Variants in SGCG observed in about 807,000 individuals in gnomAD.
SGCG encodes the protein gamma-sarcoglycan.
SGCG carries 26 observed loss-of-function variants against 29.3 expected under a neutral mutation model. The ratio of observed to expected loss-of-function variants is 0.89; its 90% CI spans 0.65 to 1.23. The LOEUF (loss-of-function observed/expected upper bound fraction) is 1.23, where lower values mean the gene tolerates loss of function less well. Among genes scored for constraint, SGCG ranks in the 50% most tolerant of loss-of-function variants. SGCG has a pLI of 0.00. For missense variants in SGCG, 353 were observed against 356.0 expected, an observed-to-expected ratio of 0.99 and a Z score of 0.07; for synonymous variants, 145 against 129.7, an observed-to-expected ratio of 1.12 and a Z score of -0.80.
the SGCG span, among the ~76,000 whole-genome samples, chr13:23,168,567 C>T: frequency 4.6e-5 from 7 of 152,290 alleles, no homozygotes; most frequent in Admixed American, 1.3e-4. Flanking sequence ...TCAGTACAGG[C>T]TTGAGGACAG....
chr13:23,224,753 A>G (rs933140492), intron 2 of SGCG, among the ~76,000 whole-genome samples: 4 of 152,196 alleles, frequency 2.6e-5, no homozygotes, highest in Admixed American at 6.5e-5. Context: ...GGCCATAGAA[A>G]ATTCTCACAC....
rs770988824 is a variant in SGCG, at chr13:23,287,999, C to T, written c.506-7416C>T. ...TGATCTCTTGACCTCGTGATCTGCC[C>T]GCCTCAGCCTCCTAAAGTGCTGGGA... On this transcript the variant is annotated intron_variant, in intron 5 of 7. Transcript: ENST00000218867. 1.6e-4 allele frequency among the ~76,000 whole-genome samples: 24 copies of T among 152,284 alleles called. No homozygotes were observed. In the Middle Eastern group the frequency reaches 0.01, roughly 65 times the overall value.
chr13:23,279,722 C>T (rs1881231355), intron 5 of SGCG, among the ~76,000 whole-genome samples: 1 of 151,656 alleles, frequency 6.6e-6, no homozygotes, highest in Admixed American at 6.6e-5. Flanking sequence ...TTCCTTCCTC[C>T]CTTCCTTCTT....
chr13:23,178,051 C>G (rs932091703), upstream of SGCG, among the ~76,000 whole-genome samples: 1 of 152,124 alleles, frequency 6.6e-6, no homozygotes, highest in Non-Finnish European at 1.5e-5. Context: ...GCATGTGTGT[C>G]AGGTCAAGAA....
chr13:23,324,511 G>T lies in SGCG; in HGVS notation c.846G>T (p.Thr282=). 6.2e-7 allele frequency: 1 copy of T among 1,612,832 alleles called. No homozygotes were observed. The highest frequency in any genetic ancestry group is 8.5e-7 in the Non-Finnish European group (1 of 1,179,996). ...TGTCTGTGGCCGGTGTGAGCACCAC[G>T]TGCCAGGAGCACAACCACATCTGCC... The part of the protein sequence containing the change: ...LYLSVAGVST[T]CQEHNHICL The change falls in exon 8 of 8, where the codon ACG becomes ACT. Residue 282 remains threonine, a synonymous_variant. Coordinates refer to ENST00000218867, the MANE Select transcript of SGCG (RefSeq NM_000231.3).
At chr13:23,299,407 CATATATATATATATATATATATATATAT>C (rs1191940207) in intron 6 of SGCG, among the ~76,000 whole-genome samples, 3 of 23,924 alleles carry the variant, frequency 1.3e-4, no homozygotes, top group Admixed American at 1.6e-3. Context: ...TCTTAGTTGG[CATATATATATATATATATATATATATAT>C]ATATATATAT....
At chr13:23,308,148 T>G (rs1882426283) in intron 6 of SGCG, among the ~76,000 whole-genome samples, 1 of 152,174 alleles carries the variant, frequency 6.6e-6, no homozygotes, top group African/African-American at 2.4e-5. Flanking sequence ...ATCCTTGTAG[T>G]ATTCTATGAA....
At chr13:23,323,411 C>T (rs947510656) in intron 7 of SGCG, among the ~76,000 whole-genome samples, 1 of 152,220 alleles carries the variant, frequency 6.6e-6, no homozygotes, top group South Asian at 2.1e-4. Context: ...CAGCAGACAG[C>T]AGGTTGTTAA....
intron 3 of SGCG, among the ~76,000 whole-genome samples, chr13:23,248,727 T>C (rs1879832412): frequency 6.9e-6 from 1 of 145,608 alleles, no homozygotes; most frequent in Non-Finnish European, 1.5e-5. Flanking sequence ...GTTCGGTGGC[T>C]GATGCCTGTA....
At chr13:23,190,717 T>G (rs1877213428) in intron 1 of SGCG, among the ~76,000 whole-genome samples, 1 of 152,206 alleles carries the variant, frequency 6.6e-6, no homozygotes, top group Admixed American at 6.5e-5. Flanking sequence ...ATATTTACAA[T>G]CCACCTGTTG....
At chr13:23,193,163 C>G (rs651316) in intron 1 of SGCG, among the ~76,000 whole-genome samples, 114,003 of 151,824 alleles carry the variant, frequency 0.75, 43,258 homozygotes, top group African/African-American at 0.86. Context: ...AACAACGTGT[C>G]CAAAGACTAT....
chr13:23,166,756 GA>G, the SGCG span, among the ~76,000 whole-genome samples: 99 of 152,194 alleles, frequency 6.5e-4, no homozygotes, highest in African/African-American at 2.4e-3. Flanking sequence ...TGTCATCACA[GA>G]AAAACCTTTT....
At chr13:23,187,267 G>A (rs1444962141) in intron 1 of SGCG, among the ~76,000 whole-genome samples, 1 of 152,080 alleles carries the variant, frequency 6.6e-6, no homozygotes, top group African/African-American at 2.4e-5. Context: ...CTGTTAACGT[G>A]GTAAAAGATC....
intron 3 of SGCG, among the ~76,000 whole-genome samples, chr13:23,248,355 G>C (rs1037106224): frequency 3.3e-5 from 5 of 152,110 alleles, no homozygotes; most frequent in African/African-American, 1.2e-4. Context: ...TTCAGGAAAA[G>C]GAATGAGCAT....
intron 2 of SGCG, among the ~76,000 whole-genome samples, chr13:23,228,717 G>A (rs1263811694): frequency 6.6e-6 from 1 of 152,100 alleles, no homozygotes; most frequent in Non-Finnish European, 1.5e-5. Context: ...AGAGCATGCA[G>A]TATTTGTTCT....
At chr13:23,170,538 G>A in the SGCG span, 1 of 152,216 alleles carries the variant, frequency 6.6e-6, no homozygotes. Flanking sequence ...TCAAACACAA[G>A]GAGCTAAAGC....
intron 6 of SGCG, among the ~76,000 whole-genome samples, chr13:23,308,476 C>G (rs1400078698): frequency 6.6e-6 from 1 of 152,172 alleles, no homozygotes; most frequent in Non-Finnish European, 1.5e-5. Flanking sequence ...TCCCTAATAG[C>G]TGTACAATGC....
rs531724969 is a variant in SGCG at position 23,202,237 on chromosome 13, C to A, written c.1-1458C>A. Among the ~76,000 whole-genome samples the A allele has an allele frequency of 2.0e-5, 3 of 152,230 alleles. No individual in the cohort carries two copies. The East Asian group carries it at 5.8e-4, about 29-fold the overall frequency. ...GGACATTGTCACTGTGGCGAAAAGC[C>A]ATCAGAAGGTTTGGAAAAATAGAGT... On this transcript the variant is annotated intron_variant, in intron 1 of 7. Coordinates refer to ENST00000218867, the MANE Select transcript of SGCG (RefSeq NM_000231.3).
At chr13:23,207,821 G>A (rs1878038778) in intron 2 of SGCG, among the ~76,000 whole-genome samples, 1 of 152,130 alleles carries the variant, frequency 6.6e-6, no homozygotes, top group Non-Finnish European at 1.5e-5. Context: ...AGGGTGTGGT[G>A]AAATTGGAAC....
Sources: allele counts gnomAD v4.1 joint callset (sites outside exome capture counted in the v4.1 genomes callset), GRCh38; gene constraint gnomAD v4.1.1; transcripts MANE v1.5; gene names NCBI Gene and HGNC (gene_info 2026-07-23, HGNC 2026-07-21).